The following SRPK2 variants were observed in gnomAD, a reference collection of about 807,000 sequenced individuals.
SRPK2 encodes SRSF protein kinase 2.
Under a neutral mutation model 90.8 loss-of-function variants are expected in SRPK2, and 21 were observed. The ratio of observed to expected loss-of-function variants is 0.23; its 90% CI spans 0.16 to 0.33. SRPK2 has a LOEUF of 0.33. SRPK2 is among the 10% of genes least tolerant of loss of function. SRPK2 has a pLI of 1.00. For missense variants in SRPK2, 620 were observed against 869.0 expected (o/e 0.71, Z 3.60); for synonymous variants, 288 against 311.1 (o/e 0.93, Z 0.78).
chr7:105,265,861 A>T (rs1053269152), intron 2 of SRPK2, among the ~76,000 whole-genome samples: 1 of 151,876 alleles, frequency 6.6e-6, no homozygotes, highest in Non-Finnish European at 1.5e-5. Context: ...ATCATTAGGC[A>T]TTTTTTTTAA....
At chr7:105,329,849 G>A (rs894951765) in intron 2 of SRPK2, among the ~76,000 whole-genome samples, 1 of 151,666 alleles carries the variant, frequency 6.6e-6, no homozygotes, top group Non-Finnish European at 1.5e-5. Flanking sequence ...GGCCAACATG[G>A]TGAAACCCCG....
chr7:105,194,097 TAA>T (rs964121822), intron 3 of SRPK2, among the ~76,000 whole-genome samples: 4 of 152,164 alleles, frequency 2.6e-5, no homozygotes, highest in African/African-American at 4.8e-5. Context: ...TAATTTTGAT[TAA>T]GTCTAATTAA....
rs192335688 is a variant in SRPK2, at chr7:105,374,650, G to T, written c.71+13998C>A. ...GTCAGAGTCTCATTCGGTCGCCCAG[G>T]TTGGAGTGCAATGGCGCCATCTCTG... On this transcript the variant is annotated intron_variant, in intron 2 of 15. Transcript: ENST00000393651. Among the ~76,000 whole-genome samples, 7 of 152,262 alleles carry T rather than the reference G, an allele frequency of 4.6e-5. No individual in the cohort carries two copies. In the East Asian group the frequency reaches 1.4e-3, roughly 29 times the overall value.
At chr7:105,396,073 A>G (rs550566683) in intron 1 of SRPK2, among the ~76,000 whole-genome samples, 32 of 151,388 alleles carry the variant, frequency 2.1e-4, no homozygotes, top group South Asian at 2.1e-3. Context: ...GCGCCACCAC[A>G]CCTGGCTAAT....
chr7:105,176,636 C>T (rs138954320), intron 3 of SRPK2, among the ~76,000 whole-genome samples: 1 of 61,946 alleles, frequency 1.6e-5, no homozygotes, highest in East Asian at 4.1e-4. Context: ...TATATATATG[C>T]ACAGTGGCAT....
At chr7:105,127,103 G>T in intron 13 of SRPK2, 41 bp from the exon 14 acceptor site, 1 of 1,599,018 alleles carries the variant, frequency 6.3e-7, no homozygotes, top group Non-Finnish European at 8.6e-7. Flanking sequence ...TTCAGAGACT[G>T]GCCCCCAAGT....
intron 2 of SRPK2, among the ~76,000 whole-genome samples, chr7:105,313,518 G>A (rs1423989869): frequency 6.6e-6 from 1 of 151,670 alleles, no homozygotes; most frequent in African/African-American, 2.4e-5. Flanking sequence ...GGGAGGCCGA[G>A]GTGGGTGGAA....
intron 3 of SRPK2, among the ~76,000 whole-genome samples, chr7:105,179,705 A>C (rs920651655): frequency 3.3e-5 from 5 of 151,572 alleles, no homozygotes; most frequent in Admixed American, 2.0e-4. Flanking sequence ...CATGCCTTTA[A>C]TCCTAGCTAC....
In SRPK2 at chr7:105,117,749, T is replaced by G; in HGVS notation, c.*89A>C. On this transcript the variant is annotated 3_prime_UTR_variant, in exon 16 of 16. Transcript: ENST00000393651. Reference sequence around the variant, plus strand: ...GGTCTGAGGATGAAGCCAGCTCACTTGTAATCCTGTTAAAGAATGAGAGTC... The same window carrying G: ...GGTCTGAGGATGAAGCCAGCTCACTGGTAATCCTGTTAAAGAATGAGAGTC... The G allele has an allele frequency of 1.4e-6, 2 of 1,421,178 alleles. No homozygotes were observed. Among genetic ancestry groups the G allele is most frequent in the Non-Finnish European group, 2.0e-6 (2 of 1,024,768 alleles). 88.0% of individuals were successfully genotyped at this position (1,421,178 alleles called of 1,614,324 possible). A position where few individuals can be genotyped will look rare whatever the true frequency, so the allele number is the denominator to read the frequency against.
At chr7:105,127,975 G>A (rs1490597349) in intron 13 of SRPK2, among the ~76,000 whole-genome samples, 9 of 151,982 alleles carry the variant, frequency 5.9e-5, no homozygotes, top group Non-Finnish European at 7.4e-5. Context: ...CCCCATTCCC[G>A]CCCCAAGGAG....
chr7:105,169,329 T>A (rs1790506959), intron 3 of SRPK2, 64 bp from the exon 4 acceptor site: 2 of 1,239,570 alleles, frequency 1.6e-6, no homozygotes, highest in Non-Finnish European at 2.3e-6. Context: ...AAACATTTCA[T>A]CTCTTTTGTC....
At chr7:105,310,020 C>A (rs1488150360) in intron 2 of SRPK2, among the ~76,000 whole-genome samples, 1 of 152,172 alleles carries the variant, frequency 6.6e-6, no homozygotes. Context: ...GAGAAGGAGT[C>A]AGGGAAATCC....
At chr7:105,232,059 G>T (rs539250206) in intron 2 of SRPK2, among the ~76,000 whole-genome samples, 13 of 152,228 alleles carry the variant, frequency 8.5e-5, no homozygotes, top group Non-Finnish European at 1.8e-4. Flanking sequence ...TTGCTATGTT[G>T]CCTAGACTGG....
At chr7:105,276,533 T>C (rs1207584751) in intron 2 of SRPK2, among the ~76,000 whole-genome samples, 3 of 146,784 alleles carry the variant, frequency 2.0e-5, no homozygotes, top group African/African-American at 7.6e-5. Context: ...AGCCCAAGAG[T>C]TCAAGACCAG....
At chr7:105,232,782 A>T (rs1008139477) in intron 2 of SRPK2, among the ~76,000 whole-genome samples, 1 of 152,246 alleles carries the variant, frequency 6.6e-6, no homozygotes, top group African/African-American at 2.4e-5. Flanking sequence ...TGGGAGGCTG[A>T]GGCAGGTGGA....
intron 2 of SRPK2, among the ~76,000 whole-genome samples, chr7:105,331,387 A>T (rs1814384847): frequency 6.6e-6 from 1 of 151,342 alleles, no homozygotes; most frequent in African/African-American, 2.4e-5. Context: ...ACTATATTCA[A>T]CAAAAAAGTT....
chr7:105,141,088 A>T (rs1438725603), intron 11 of SRPK2, among the ~76,000 whole-genome samples: 1 of 152,204 alleles, frequency 6.6e-6, no homozygotes, highest in Non-Finnish European at 1.5e-5. Flanking sequence ...AAGCACCTTC[A>T]AACACTCCCT....
At chr7:105,127,943 C>T (rs1222451046) in intron 13 of SRPK2, among the ~76,000 whole-genome samples, 1 of 152,190 alleles carries the variant, frequency 6.6e-6, no homozygotes, top group Non-Finnish European at 1.5e-5. Context: ...ATCACTGATG[C>T]CTGTGGATCT....
chr7:105,277,553 G>A (rs1159753514), intron 2 of SRPK2, among the ~76,000 whole-genome samples: 1 of 152,182 alleles, frequency 6.6e-6, no homozygotes, highest in African/African-American at 2.4e-5. Context: ...CAATTCCTCT[G>A]CGTAATCTAG....
Sources: allele counts gnomAD v4.1 joint callset (sites outside exome capture counted in the v4.1 genomes callset), GRCh38; gene constraint gnomAD v4.1.1; transcripts MANE v1.5; gene names NCBI Gene and HGNC (gene_info 2026-07-23, HGNC 2026-07-21).